Variants in NOTCH3 observed in about 807,000 individuals in gnomAD.
NOTCH3 encodes notch receptor 3, also known as neurogenic locus notch homolog protein 3.
A neutral mutation model predicts 213.3 loss-of-function variants in NOTCH3; 86 were observed. The ratio of observed to expected loss-of-function variants is 0.40; its 90% CI spans 0.34 to 0.48. The LOEUF (loss-of-function observed/expected upper bound fraction) is 0.48. NOTCH3 is among the 20% of genes least tolerant of loss of function. The pLI, the probability that NOTCH3 is intolerant of heterozygous loss-of-function variation, is 0.57. For missense variants in NOTCH3, 2,783 were observed against 3,272.6 expected (o/e 0.85, Z 3.65); for synonymous variants, 1,354 against 1,355.9 (o/e 1.00, Z 0.03).
At chr19:15,191,895 ACCGCCGGGCTGGCCTGCTGTCCC>A in intron 4 of NOTCH3, 28 bp from the exon 5 acceptor site, 1 of 1,613,790 alleles carries the variant, frequency 6.2e-7, no homozygotes, top group Non-Finnish European at 8.5e-7. Flanking sequence ...AAGGATGGTC[ACCGCCGGGCTGGCCTGCTGTCCC>A]CACGCCCACC....
rs761651631 is a variant in NOTCH3 at position 15,189,259 on chromosome 19, G to A, written c.1192+14C>T. ...CTTTCCCAGCCCATTCACAGACGAT[G>A]GAGCTCCCCTCACCGATAGAGCACT... On this transcript the variant is annotated intron_variant, in intron 7 of 32. Transcript: ENST00000263388. 1.5e-5 allele frequency: 25 copies of A among 1,613,840 alleles called. No homozygotes were observed. The South Asian group carries it at 2.0e-4, about 13-fold the overall frequency.
intron 28 of NOTCH3, among the ~76,000 whole-genome samples, chr19:15,169,002 C>G (rs953674963): frequency 6.6e-6 from 1 of 152,088 alleles, no homozygotes; most frequent in Non-Finnish European, 1.5e-5. Context: ...CAGGCTCCAA[C>G]TCCTGGACTC....
At chr19:15,197,816 G>A (rs1038489929) in intron 1 of NOTCH3, among the ~76,000 whole-genome samples, 1 of 145,422 alleles carries the variant, frequency 6.9e-6, no homozygotes, top group Non-Finnish European at 1.5e-5. Context: ...CACAAAGCAG[G>A]GGAAGGCAGG....
chr19:15,174,426 G>C (rs1298693206), intron 24 of NOTCH3, 26 bp from the exon 25 acceptor site: 8 of 1,490,214 alleles, frequency 5.4e-6, no homozygotes, highest in Non-Finnish European at 7.2e-6. Flanking sequence ...GAGGCAGAGA[G>C]GGGCGGAGTC....
chr19:15,188,382 G>A (rs2145435136), intron 8 of NOTCH3, 34 bp from the exon 9 acceptor site: 3 of 1,390,204 alleles, frequency 2.2e-6, no homozygotes, highest in South Asian at 2.4e-5. Flanking sequence ...GAAAGCGGGG[G>A]CTACCCTATG....
chr19:15,197,139 T>C (rs1449650822), intron 2 of NOTCH3, among the ~76,000 whole-genome samples: 1 of 152,170 alleles, frequency 6.6e-6, no homozygotes, highest in African/African-American at 2.4e-5. Flanking sequence ...GATTGGTCCC[T>C]GATAGTTTGT....
chr19:15,180,446 C>T (rs1315071950), intron 19 of NOTCH3, among the ~76,000 whole-genome samples, 190 bp from the exon 20 acceptor site: 1 of 152,148 alleles, frequency 6.6e-6, no homozygotes, highest in Non-Finnish European at 1.5e-5. Context: ...GCCTTCAACG[C>T]TCACAGCAGC....
Position 15,191,598 on chromosome 19 carries a change from C to A in NOTCH3, c.862G>T (p.Gly288Trp). ...CQLQPNACHN[G>W]GTCFNTLGGH... ...CCCAGCGTGTTGAAGCAGGTACCCCCATTGTGGCAGGCGTTGGGCTGCAGC... is the reference window on the plus strand; with the variant it reads ...CCCAGCGTGTTGAAGCAGGTACCCCAATTGTGGCAGGCGTTGGGCTGCAGC... Residue 288 changes from glycine to tryptophan, a missense_variant, in exon 6 of 33, where the codon GGG becomes TGG. Physicochemically the swap from Gly to Trp is radical, Grantham distance 184. Transcript: ENST00000263388. The A allele has an allele frequency of 6.2e-7, 1 of 1,613,810 alleles. No individual in the cohort carries two copies. Among genetic ancestry groups the A allele is most frequent in the African/African-American group, 1.3e-5 (1 of 75,074 alleles).
intron 24 of NOTCH3, 123 bp downstream of exon 24, chr19:15,177,402 T>TA (rs2046800278): frequency 1.2e-6 from 1 of 835,056 alleles, no homozygotes; most frequent in Non-Finnish European, 2.0e-6. Flanking sequence ...GATGGGCAGA[T>TA]AGAGTGCACA....
chr19:15,180,478 C>G (rs2046830283), intron 19 of NOTCH3, among the ~76,000 whole-genome samples: 1 of 152,138 alleles, frequency 6.6e-6, no homozygotes, highest in Non-Finnish European at 1.5e-5. Flanking sequence ...CTGTAGCACA[C>G]ACACCATCCC....
At chr19:15,182,202 G>A (rs951902070) in intron 16 of NOTCH3, among the ~76,000 whole-genome samples, 1 of 151,942 alleles carries the variant, frequency 6.6e-6, no homozygotes, top group Admixed American at 6.6e-5. Flanking sequence ...AGATTTTGAA[G>A]ACTTGGTATG....
intron 2 of NOTCH3, among the ~76,000 whole-genome samples, chr19:15,192,760 C>T (rs1292050532): frequency 1.3e-5 from 2 of 152,066 alleles, no homozygotes; most frequent in African/African-American, 2.4e-5. Context: ...ACTAAAAGTA[C>T]GAAACTTTGC....
At position 15,177,860 on chromosome 19, in the gene NOTCH3, C is replaced by T; in HGVS notation, c.4068G>A (p.Ala1356=). ...HGGSCRPAPL[A]PFFRCACAQG... ...GCGCGCAAGCGCAGCGGAAGAAGGG[C>T]GCGAGCGGCGCGGGGCGGCAGGAGC... Residue 1356 remains alanine, a synonymous_variant, in exon 24 of 33, where the codon GCG becomes GCA. Coordinates refer to ENST00000263388, the MANE Select transcript of NOTCH3 (RefSeq NM_000435.3). 8.2e-7 allele frequency: 1 copy of T among 1,222,518 alleles called. No individual in the cohort carries two copies. The allele number at this position is 1,222,518 out of a possible 1,614,324, so 75.7% of individuals were successfully genotyped here.
intron 31 of NOTCH3, among the ~76,000 whole-genome samples, chr19:15,163,516 G>A (rs1252094911): frequency 6.6e-6 from 1 of 152,164 alleles, no homozygotes; most frequent in African/African-American, 2.4e-5. Context: ...CTACAAAACA[G>A]ATAAATTGGA....
chr19:15,165,873 C>T lies in NOTCH3; in HGVS notation c.5581G>A (p.Ala1861Thr). 1 of 1,614,114 alleles carries T rather than the reference C, an allele frequency of 6.2e-7. No homozygotes were observed. Among genetic ancestry groups the T allele is most frequent in the Non-Finnish European group, 8.5e-7 (1 of 1,180,032 alleles). ...RADAAKRLLDAGADTNAQDHS... is the reference protein window; with the variant it reads ...RADAAKRLLDTGADTNAQDHS... ...TCCTGGGCATTGGTGTCTGCCCCAG[C>T]ATCCAGCAGCCGCTTGGCTGCATCA... The change falls in exon 30 of 33, where the codon GCT (alanine) becomes ACT (threonine). Residue 1861 changes from alanine to threonine, a missense_variant. Physicochemically the swap from Ala to Thr is moderately conservative, Grantham distance 58. Around this residue, in one of 6 missense-constraint regions of NOTCH3, gnomAD observed 636 missense variants for 801.8 expected, o/e 0.79. Transcript: ENST00000263388. The surrounding 1 kb of genome is among the most constrained non-coding windows in gnomAD (Gnocchi z 4.7).
chr19:15,170,495 G>T lies in NOTCH3; in HGVS notation c.4950C>A (p.Gly1650=). 1 of 1,596,792 alleles carries T rather than the reference G, an allele frequency of 6.3e-7. No homozygotes were observed. The highest frequency in any genetic ancestry group is 8.5e-7 in the Non-Finnish European group (1 of 1,177,074). ...SVPLLPLLVA[G]AVLLLVILVL... Reference sequence around the variant, plus strand: ...CGAGAATGACCAGCAGCAAGACAGCGCCCGCCACTAGCAGTGGCAGCAGCG... The same window carrying T: ...CGAGAATGACCAGCAGCAAGACAGCTCCCGCCACTAGCAGTGGCAGCAGCG... Residue 1650 remains glycine, a synonymous_variant, in exon 27 of 33, where the codon GGC becomes GGA. Coordinates refer to ENST00000263388, the MANE Select transcript of NOTCH3 (RefSeq NM_000435.3).
In NOTCH3 at chr19:15,187,947, T is replaced by C; in HGVS notation, c.1540A>G (p.Thr514Ala). The change falls in exon 10 of 33, where the codon ACG (threonine) becomes GCG (alanine). Residue 514 changes from threonine to alanine, a missense_variant. By Grantham distance (58) the Thr-to-Ala change is moderately conservative. Transcript: ENST00000263388. Reference sequence around the variant, plus strand: ...CATTTGGCGCCATTCCTGCAGGGCGTGCTGGCGCATTCGTCCACGTCCAGC... The same window carrying C: ...CATTTGGCGCCATTCCTGCAGGGCGCGCTGGCGCATTCGTCCACGTCCAGC... ...CQLDVDECAS[T>A]PCRNGAKCVD... The C allele has an allele frequency of 6.4e-7, 1 of 1,550,536 alleles. No individual in the cohort carries two copies. The highest frequency in any genetic ancestry group is 8.7e-7 in the Non-Finnish European group (1 of 1,146,976).
In NOTCH3 at chr19:15,180,195, G is replaced by A. The variant is rs1291304786; in HGVS notation, c.3204C>T (p.His1068=). 3 of 1,613,904 alleles carry A rather than the reference G, an allele frequency of 1.9e-6. No individual in the cohort carries two copies. Among genetic ancestry groups the A allele is most frequent in the East Asian group, 2.2e-5 (1 of 44,878 alleles). The change falls in exon 20 of 33, where the codon CAC becomes CAT. Residue 1068 remains histidine, a synonymous_variant. Transcript: ENST00000263388. ...GGQCVDEDSS[H]YCVCPEGRTG... is the part of the protein sequence containing the mutation. ...TACGGCCCTCTGGGCACACGCAGTA[G>A]TGGGAGCTGTCTTCATCCACACACT... is the stretch of plus-strand genomic sequence containing the variant.
chr19:15,175,809 G>A (rs1213659910), intron 24 of NOTCH3, among the ~76,000 whole-genome samples: 2 of 151,606 alleles, frequency 1.3e-5, no homozygotes, highest in African/African-American at 4.8e-5. Flanking sequence ...CAAAGGCCCT[G>A]ATATGGGATC....
Sources: allele counts gnomAD v4.1 joint callset (sites outside exome capture counted in the v4.1 genomes callset), GRCh38; gene constraint gnomAD v4.1.1; regional missense constraint gnomAD v4.1.1; non-coding constraint Gnocchi (gnomAD v3.1); transcripts MANE v1.5; gene names NCBI Gene and HGNC (gene_info 2026-07-23, HGNC 2026-07-21).